The following ASAP2 variants were observed in gnomAD, a reference collection of about 807,000 sequenced individuals.
ASAP2 encodes the protein ArfGAP with SH3 domain, ankyrin repeat and PH domain 2.
A neutral mutation model predicts 131.4 loss-of-function variants in ASAP2; 45 were observed. The observed-to-expected ratio is 0.34, with a 90% CI of 0.27 to 0.44. The LOEUF (loss-of-function observed/expected upper bound fraction) is 0.44. ASAP2 is among the 20% of genes least tolerant of loss of function. The probability of loss-of-function intolerance (pLI) is 1.00; values close to 1 mark genes in which losing one functional copy is unlikely to be tolerated. For missense variants in ASAP2, 1,011 were observed against 1,297.0 expected (o/e 0.78, Z 3.39); for synonymous variants, 510 against 503.0 (o/e 1.01, Z -0.19).
At position 9,354,468 on chromosome 2, in the gene ASAP2, T is replaced by C. The variant is rs958391423; in HGVS notation, c.1112-1579T>C. Among the ~76,000 whole-genome samples the C allele has an allele frequency of 2.6e-5, 4 of 152,110 alleles. No homozygotes were observed. In the South Asian group the frequency reaches 6.2e-4, roughly 24 times the overall value. ...GTTTGCCTCCTGCTTGTGCAGTTTTTACACGTCAGAATGCAGAAATTGGCC... is the reference window on the plus strand; with the variant it reads ...GTTTGCCTCCTGCTTGTGCAGTTTTCACACGTCAGAATGCAGAAATTGGCC... On this transcript the variant is annotated intron_variant, in intron 12 of 27. Coordinates refer to ENST00000281419, the MANE Select transcript of ASAP2 (RefSeq NM_003887.3).
intron 22 of ASAP2, 82 bp from the exon 23 acceptor site, chr2:9,390,980 G>T: frequency 1.9e-6 from 3 of 1,600,808 alleles, no homozygotes; most frequent in South Asian, 1.1e-5. Flanking sequence ...GATCAATAAC[G>T]CAGTGTTCTG....
At chr2:9,308,017 CA>C (rs746319568) in intron 3 of ASAP2, among the ~76,000 whole-genome samples, 1 of 152,152 alleles carries the variant, frequency 6.6e-6, no homozygotes, top group Admixed American at 6.5e-5. Context: ...TTCTGTGGCC[CA>C]GGGGATCTGT....
intron 9 of ASAP2, among the ~76,000 whole-genome samples, 159 bp downstream of exon 9, chr2:9,335,338 A>T (rs1035428435): frequency 3.9e-5 from 6 of 152,224 alleles, no homozygotes; most frequent in African/African-American, 1.4e-4. Flanking sequence ...ATTTAGTTCT[A>T]TAAAACCATC....
intron 2 of ASAP2, among the ~76,000 whole-genome samples, chr2:9,283,954 C>CT (rs1439012787): frequency 6.6e-6 from 1 of 152,172 alleles, no homozygotes; most frequent in Non-Finnish European, 1.5e-5. Context: ...GGGATTAGGG[C>CT]TTTAATATAT....
chr2:9,336,443 C>T (rs761306169), intron 9 of ASAP2, among the ~76,000 whole-genome samples: 5 of 152,204 alleles, frequency 3.3e-5, no homozygotes, highest in Non-Finnish European at 7.3e-5. Flanking sequence ...ATTTGAATCA[C>T]AGCCTATTCC....
intron 3 of ASAP2, among the ~76,000 whole-genome samples, chr2:9,305,069 A>C (rs1163591104): frequency 9.4e-6 from 1 of 106,586 alleles, no homozygotes; most frequent in Admixed American, 1.3e-4. Context: ...GGGCCGTAAT[A>C]GTGGGGTATA....
intron 7 of ASAP2, among the ~76,000 whole-genome samples, chr2:9,330,094 G>A (rs1193925741): frequency 6.6e-6 from 1 of 152,212 alleles, no homozygotes; most frequent in Non-Finnish European, 1.5e-5. Context: ...GAATTGCACT[G>A]TGGAATTGAA....
chr2:9,388,267 C>A, intron 21 of ASAP2, 27 bp from the exon 22 acceptor site: 1 of 1,610,108 alleles, frequency 6.2e-7, no homozygotes, highest in Non-Finnish European at 8.5e-7. Flanking sequence ...TTGTCTCACA[C>A]GCCTCTGCCC....
At chr2:9,286,430 A>T (rs967225960) in intron 2 of ASAP2, among the ~76,000 whole-genome samples, 4 of 126,300 alleles carry the variant, frequency 3.2e-5, no homozygotes, top group Admixed American at 2.2e-4. Flanking sequence ...GATTTTTTTT[A>T]AAAAAGGAAA....
At chr2:9,321,953 A>G (rs1051365378) in intron 5 of ASAP2, among the ~76,000 whole-genome samples, 9 of 152,194 alleles carry the variant, frequency 5.9e-5, no homozygotes, top group African/African-American at 1.7e-4. Flanking sequence ...TGTAACAACC[A>G]TAATAGGTTT....
intron 9 of ASAP2, among the ~76,000 whole-genome samples, chr2:9,343,659 C>T (rs551242161): frequency 3.9e-4 from 60 of 152,296 alleles, no homozygotes; most frequent in African/African-American, 1.4e-3. Context: ...GTTGCCTAAG[C>T]TGGTCTTGAA....
intron 1 of ASAP2, among the ~76,000 whole-genome samples, chr2:9,225,411 G>C (rs1662688670): frequency 6.6e-6 from 1 of 152,094 alleles, no homozygotes; most frequent in Non-Finnish European, 1.5e-5. Context: ...GGTGACCCAG[G>C]GACCTGCTGC....
intron 9 of ASAP2, among the ~76,000 whole-genome samples, chr2:9,336,728 C>CA (rs966127224): frequency 4.0e-5 from 6 of 151,684 alleles, no homozygotes; most frequent in Non-Finnish European, 5.9e-5. Context: ...TCCCAATAAG[C>CA]AAAAAAAGGA....
At chr2:9,340,899 G>C (rs1671532312) in intron 9 of ASAP2, among the ~76,000 whole-genome samples, 1 of 152,206 alleles carries the variant, frequency 6.6e-6, no homozygotes, top group Non-Finnish European at 1.5e-5. Context: ...GGGTGTCACA[G>C]GACAGAGGAT....
At chr2:9,312,506 C>G (rs1335107881) in intron 3 of ASAP2, among the ~76,000 whole-genome samples, 2 of 152,154 alleles carry the variant, frequency 1.3e-5, no homozygotes, top group African/African-American at 4.8e-5. Context: ...AGGTCTGTCT[C>G]ACATCCACTG....
At chr2:9,269,139 G>A (rs1666160076) in intron 1 of ASAP2, among the ~76,000 whole-genome samples, 1 of 151,866 alleles carries the variant, frequency 6.6e-6, no homozygotes, top group South Asian at 2.1e-4. Flanking sequence ...ACATAAGAGA[G>A]GTGATAAATA....
chr2:9,264,175 A>C (rs1472955004), intron 1 of ASAP2, among the ~76,000 whole-genome samples: 1 of 149,460 alleles, frequency 6.7e-6, no homozygotes, highest in Non-Finnish European at 1.5e-5. Context: ...CTGGGCAGTG[A>C]GTGAGACCCT....
intron 1 of ASAP2, among the ~76,000 whole-genome samples, chr2:9,214,779 A>T (rs1398883218): frequency 9.7e-6 from 1 of 102,754 alleles, no homozygotes; most frequent in African/African-American, 5.6e-5. Flanking sequence ...TGGACGTCTA[A>T]AAAAAAAAAA....
intron 1 of ASAP2, among the ~76,000 whole-genome samples, chr2:9,212,197 A>G (rs1661609595): frequency 6.6e-6 from 1 of 152,188 alleles, no homozygotes; most frequent in Non-Finnish European, 1.5e-5. Context: ...TAGAACACCA[A>G]GAAGAATATG....
Sources: allele counts gnomAD v4.1 joint callset (sites outside exome capture counted in the v4.1 genomes callset), GRCh38; gene constraint gnomAD v4.1.1; transcripts MANE v1.5; gene names NCBI Gene and HGNC (gene_info 2026-07-23, HGNC 2026-07-21).